Variants in PCDHA4 observed in about 807,000 individuals in gnomAD.
PCDHA4 encodes protocadherin alpha 4.
In PCDHA4, 49 loss-of-function variants were observed where a neutral mutation model predicts 61.4. The observed-to-expected ratio is 0.80, with a 90% CI of 0.63 to 1.01. The LOEUF is 1.01. Ranked by LOEUF, PCDHA4 falls within the 50% of genes least tolerant of loss-of-function variation. PCDHA4 has a pLI of 0.00. For synonymous variants in PCDHA4, 590 were observed against 550.3 expected (o/e 1.07, Z -1.01); for missense variants, 1,254 against 1,235.8 (o/e 1.01, Z -0.22).
intron 1 of PCDHA4, chr5:140,848,890 T>A (rs1554142528): frequency 3.1e-6 from 5 of 1,595,934 alleles, no homozygotes; most frequent in Non-Finnish European, 4.3e-6. Context: ...AACCCTCCAG[T>A]GTTCCCAGCG....
At chr5:140,863,799 G>C (rs1246230954) in intron 1 of PCDHA4, 1 of 212,342 alleles carries the variant, frequency 4.7e-6, no homozygotes, top group Non-Finnish European at 9.6e-6. Context: ...AGGAGTTTGA[G>C]ACCAGCCTGG....
Position 140,982,498 on chromosome 5 carries a change from G to A in PCDHA4, c.2468G>A (p.Gly823Asp), listed in dbSNP as rs782347331. The change falls in exon 3 of 4, where the codon GGC becomes GAC. Residue 823 changes from glycine to aspartate, a missense_variant. By Grantham distance (94) the Gly-to-Asp change is moderately conservative. Transcript: ENST00000530339. ...AGCTCTGTGCACCTAGAGGAGGCTG[G>A]CATTCTACGGGCTGGTCCAGGAGGG... Reference protein sequence around the residue: ...MHSSVHLEEAGILRAGPGGPD... With the variant: ...MHSSVHLEEADILRAGPGGPD... 6 of 1,614,062 alleles carry A rather than the reference G, an allele frequency of 3.7e-6. No homozygotes were observed. The Admixed American group carries it at 5.0e-5, about 13-fold the overall frequency.
intron 1 of PCDHA4, among the ~76,000 whole-genome samples, chr5:140,846,525 C>T (rs140986120): frequency 1.3e-5 from 2 of 148,378 alleles, no homozygotes; most frequent in East Asian, 3.9e-4. Context: ...CAGGTGCATG[C>T]CACCATGCCC....
intron 1 of PCDHA4, chr5:140,869,657 A>G (rs2051312714): frequency 6.2e-7 from 1 of 1,613,452 alleles, no homozygotes; most frequent in South Asian, 1.1e-5. Flanking sequence ...TCACCAACAA[A>G]TGGTAAGCAG....
intron 1 of PCDHA4, among the ~76,000 whole-genome samples, chr5:140,906,547 C>T (rs2072745421): frequency 6.6e-6 from 1 of 152,218 alleles, no homozygotes; most frequent in Non-Finnish European, 1.5e-5. Flanking sequence ...CTCATTTCTG[C>T]AACTGGTTGT....
In PCDHA4 at chr5:140,843,242, G is replaced by T. The variant is rs2150355808; in HGVS notation, c.2385+33670G>T. On this transcript the variant is annotated intron_variant, in intron 1 of 3. Transcript: ENST00000530339. Reference sequence around the variant, plus strand: ...CACCACTCGTGTCCTGGACGAAGCGGACTCTCCGCGCCACCGTCTGCTGGT... The same window carrying T: ...CACCACTCGTGTCCTGGACGAAGCGTACTCTCCGCGCCACCGTCTGCTGGT... 2.5e-5 allele frequency: 40 copies of T among 1,596,002 alleles called. 3 individuals carry two copies. In the African/African-American group the frequency reaches 3.4e-4, roughly 13 times the overall value.
chr5:140,869,456 AT>A (rs1175063244), intron 1 of PCDHA4: 1 of 1,614,072 alleles, frequency 6.2e-7, no homozygotes, highest in East Asian at 2.2e-5. Flanking sequence ...CAGGTTTTCC[AT>A]GTGAACGTGG....
chr5:140,933,333 A>G (rs1215342457), intron 1 of PCDHA4, among the ~76,000 whole-genome samples: 1 of 152,032 alleles, frequency 6.6e-6, no homozygotes, highest in Non-Finnish European at 1.5e-5. Flanking sequence ...TGTGCTGTAG[A>G]GAAAGATAAA....
chr5:140,858,142 G>A lies in PCDHA4; in HGVS notation c.2385+48570G>A, dbSNP rs782422253. 2.5e-6 allele frequency: 4 copies of A among 1,597,702 alleles called. No individual in the cohort carries two copies. The South Asian group carries it at 3.3e-5, about 13-fold the overall frequency. On this transcript the variant is annotated intron_variant, in intron 1 of 3. Transcript: ENST00000530339. The stretch of plus-strand genomic sequence containing the variant: ...CCCTGGTGGATGTCAACGTGTACCT[G>A]ATCATCGCCATCTGCGCGGTGTCCA...
chr5:140,851,837 A>G (rs2042175202), intron 1 of PCDHA4: 1 of 970,268 alleles, frequency 1.0e-6, no homozygotes, highest in Non-Finnish European at 1.2e-6. Context: ...TTTTAAAAAT[A>G]TCTTTTTCTC....
intron 1 of PCDHA4, among the ~76,000 whole-genome samples, chr5:140,833,329 T>C (rs1234770321): frequency 2.6e-5 from 4 of 152,266 alleles, no homozygotes; most frequent in South Asian, 2.1e-4. Flanking sequence ...ATTGGGAACA[T>C]TGGAGTGAAA....
chr5:140,835,857 T>C (rs2150246774), intron 1 of PCDHA4: 3 of 1,612,210 alleles, frequency 1.9e-6, no homozygotes, highest in Non-Finnish European at 8.5e-7. Flanking sequence ...GCTGGTGTCC[T>C]ACTCGCTGGT....
chr5:140,917,336 G>C (rs1183036523), intron 1 of PCDHA4, among the ~76,000 whole-genome samples: 1 of 144,856 alleles, frequency 6.9e-6, no homozygotes, highest in Non-Finnish European at 1.5e-5. Context: ...GGGGAGGGGG[G>C]GGATGGTGTA....
chr5:140,879,051 T>A (rs1446827922), intron 1 of PCDHA4, among the ~76,000 whole-genome samples: 1 of 152,166 alleles, frequency 6.6e-6, no homozygotes, highest in Non-Finnish European at 1.5e-5. Flanking sequence ...ATAGACAACA[T>A]TTTACCAAGA....
chr5:141,011,084 C>A lies in PCDHA4; in HGVS notation c.*1147C>A, dbSNP rs928216799. Reference sequence around the variant, plus strand: ...CATGTATTACTAAATAAAATGATCTCTCTTTCTCTCTCTCTCTCTCTTTTC... The same window carrying A: ...CATGTATTACTAAATAAAATGATCTATCTTTCTCTCTCTCTCTCTCTTTTC... On this transcript the variant is annotated 3_prime_UTR_variant, in exon 4 of 4. Transcript: ENST00000530339. 1.3e-5 allele frequency: 2 copies of A among 153,722 alleles called. No individual in the cohort carries two copies. The highest frequency in any genetic ancestry group is 2.9e-5 in the Non-Finnish European group (2 of 68,048). The allele number at this position is 153,722 out of a possible 1,614,324, so 9.5% of individuals were successfully genotyped here.
At chr5:140,945,437 A>T (rs2093790061) in intron 1 of PCDHA4, among the ~76,000 whole-genome samples, 1 of 152,192 alleles carries the variant, frequency 6.6e-6, no homozygotes, top group South Asian at 2.1e-4. Context: ...TTTTACAGAA[A>T]TATAAAAAAC....
chr5:141,001,102 A>T (rs1197761807), intron 3 of PCDHA4, among the ~76,000 whole-genome samples: 1 of 152,076 alleles, frequency 6.6e-6, no homozygotes, highest in African/African-American at 2.4e-5. Context: ...TCTAATCCAT[A>T]ATAAGCAATC....
intron 1 of PCDHA4, chr5:140,861,256 C>T (rs553582293): frequency 1.8e-5 from 3 of 166,694 alleles, no homozygotes; most frequent in African/African-American, 7.2e-5. Flanking sequence ...GCCAGGAATC[C>T]CGGAGCCTAC....
intron 3 of PCDHA4, among the ~76,000 whole-genome samples, chr5:140,993,462 TCA>T (rs3836747): frequency 0.093 from 13,122 of 140,864 alleles, 629 homozygotes; most frequent in African/African-American, 0.12. Flanking sequence ...TCTTTCTTTC[TCA>T]CACACACACA....
Sources: gnomAD v4.1 joint callset for allele counts (sites outside exome capture counted in the v4.1 genomes callset) on GRCh38, gnomAD v4.1.1 for gene constraint, MANE v1.5 for transcripts, NCBI Gene and HGNC (gene_info 2026-07-23, HGNC 2026-07-21) for gene names.